KIAA0319: variants seen among roughly 807,000 people sequenced by gnomAD.
KIAA0319 encodes the protein KIAA0319.
In KIAA0319, 83 loss-of-function variants were observed where a neutral mutation model predicts 108.4. The observed-to-expected ratio is 0.77, with a 90% CI of 0.64 to 0.92. The LOEUF (loss-of-function observed/expected upper bound fraction) is 0.92, where lower values mean the gene tolerates loss of function less well. Ranked by LOEUF, KIAA0319 falls within the 40% of genes least tolerant of loss-of-function variation. The pLI is 0.00. For synonymous variants in KIAA0319, 484 were observed against 510.4 expected, an observed-to-expected ratio of 0.95 and a Z score of 0.70; for missense variants, 1,195 against 1,322.4, an observed-to-expected ratio of 0.90 and a Z score of 1.49.
At chr6:24,616,444 G>T (rs530829901) in intron 1 of KIAA0319, among the ~76,000 whole-genome samples, 8 of 152,126 alleles carry the variant, frequency 5.3e-5, no homozygotes, top group Admixed American at 2.0e-4. Flanking sequence ...TGAAACCTCC[G>T]CCTCCCGGGT....
At chr6:24,568,712 GC>G in intron 13 of KIAA0319, 68 bp downstream of exon 13, 1 of 1,468,740 alleles carries the variant, frequency 6.8e-7, no homozygotes. Flanking sequence ...AATAGTCATG[GC>G]CTGGCTGAGG....
downstream of KIAA0319, among the ~76,000 whole-genome samples, chr6:24,540,331 G>A (rs1760156273): frequency 6.6e-6 from 1 of 152,132 alleles, no homozygotes; most frequent in Non-Finnish European, 1.5e-5. Context: ...GGGCTGCATT[G>A]GACTTTATGA....
At chr6:24,573,435 G>T (rs1237585669) in intron 10 of KIAA0319, among the ~76,000 whole-genome samples, 1 of 152,106 alleles carries the variant, frequency 6.6e-6, no homozygotes, top group African/African-American at 2.4e-5. Context: ...TTAAAAGAAA[G>T]AAGTTTAAAA....
At chr6:24,553,152 A>T (rs1459569151) in intron 19 of KIAA0319, among the ~76,000 whole-genome samples, 1 of 151,752 alleles carries the variant, frequency 6.6e-6, no homozygotes, top group Non-Finnish European at 1.5e-5. Context: ...AAAATGATTC[A>T]GGTGGATTCG....
intron 1 of KIAA0319, among the ~76,000 whole-genome samples, chr6:24,619,730 T>C (rs140551341): frequency 7.7e-4 from 117 of 152,266 alleles, no homozygotes; most frequent in African/African-American, 2.7e-3. Context: ...ATTTTCAAAA[T>C]ATTCCATGAA....
intron 17 of KIAA0319, among the ~76,000 whole-genome samples, chr6:24,558,394 T>C (rs1762619430): frequency 2.0e-5 from 3 of 152,176 alleles, no homozygotes; most frequent in Admixed American, 2.0e-4. Flanking sequence ...GATAGATAGA[T>C]AGATAGATAG....
chr6:24,583,175 G>A, intron 5 of KIAA0319: 2 of 987,650 alleles, frequency 2.0e-6, no homozygotes, highest in Non-Finnish European at 2.4e-6. Context: ...TGAGCAGCTA[G>A]TGTGAGGCAT....
At chr6:24,636,316 G>A (rs1035133872) in intron 1 of KIAA0319, among the ~76,000 whole-genome samples, 4 of 152,284 alleles carry the variant, frequency 2.6e-5, no homozygotes, top group African/African-American at 9.6e-5. Flanking sequence ...GCAAGCACTG[G>A]GCATTCAATG....
At chr6:24,547,560 G>C (rs1258615181) in intron 20 of KIAA0319, among the ~76,000 whole-genome samples, 1 of 152,200 alleles carries the variant, frequency 6.6e-6, no homozygotes. Flanking sequence ...ACACTCGCCA[G>C]ATGCTTGAGC....
chr6:24,593,000 A>T (rs542630408), intron 3 of KIAA0319, among the ~76,000 whole-genome samples: 93 of 151,502 alleles, frequency 6.1e-4, no homozygotes, highest in East Asian at 5.2e-3. Context: ...AAAAATAAAT[A>T]AAAAAAAACA....
intron 1 of KIAA0319, among the ~76,000 whole-genome samples, chr6:24,639,977 G>C (rs1367680839): frequency 2.0e-5 from 3 of 151,838 alleles, no homozygotes; most frequent in Non-Finnish European, 2.9e-5. Context: ...TGAAGTGAAA[G>C]ATGACAGAGA....
intron 20 of KIAA0319, among the ~76,000 whole-genome samples, chr6:24,550,737 G>A (rs897538207): frequency 2.0e-5 from 3 of 152,104 alleles, no homozygotes; most frequent in African/African-American, 4.8e-5. Context: ...CTGTGGGAGT[G>A]TCTTCAACTG....
rs1341452189 is a variant in KIAA0319 at position 24,553,270 on chromosome 6, G to GAT, written c.2948+1269_2948+1270dup. On this transcript the variant is annotated intron_variant, in intron 19 of 20. Transcript: ENST00000378214. ...TGTAAGGCCACTTAGGTACTTGTGAGATAGATATATATATATATATATATA... is the reference window on the plus strand; with the variant it reads ...TGTAAGGCCACTTAGGTACTTGTGAGATATAGATATATATATATATATATATA... Among the ~76,000 whole-genome samples, 769 of 105,346 alleles carry GAT rather than the reference G, an allele frequency of 7.3e-3. 8 individuals are homozygous for GAT. Among genetic ancestry groups the GAT allele is most frequent in the African/African-American group, 0.029 (614 of 20,814 alleles). 69.1% of individuals were successfully genotyped at this position (105,346 alleles called of 152,430 possible). A position where few individuals can be genotyped will look rare whatever the true frequency, so the allele number is the denominator to read the frequency against.
At position 24,565,866 on chromosome 6, in the gene KIAA0319, G is replaced by A. The variant is rs935244618; in HGVS notation, c.2292+731C>T. Among the ~76,000 whole-genome samples the A allele has an allele frequency of 1.4e-4, 21 of 151,852 alleles. 1 individual carries two copies. Among genetic ancestry groups the A allele is most frequent in the Middle Eastern group, 6.8e-3 (2 of 292 alleles). ...ATCTATAAAACGTAAATAGCAATCC[G>A]TGATCTATTGACTCATCTGGTACAA... On this transcript the variant is annotated intron_variant, in intron 14 of 20. Transcript: ENST00000378214.
At chr6:24,629,816 T>C (rs1775280531) in intron 1 of KIAA0319, among the ~76,000 whole-genome samples, 1 of 152,278 alleles carries the variant, frequency 6.6e-6, no homozygotes, top group Non-Finnish European at 1.5e-5. Flanking sequence ...TGTGCTTTTA[T>C]TGGCTGCATC....
chr6:24,630,683 G>GTATATATATATATATATA (rs563881076), intron 1 of KIAA0319, among the ~76,000 whole-genome samples: 8 of 100,690 alleles, frequency 7.9e-5, no homozygotes, highest in African/African-American at 2.4e-4. Context: ...GTGTATATGT[G>GTATATATATATATATATA]TATATATATA....
At chr6:24,579,593 G>A (rs367922944) in intron 8 of KIAA0319, among the ~76,000 whole-genome samples, 27 of 149,460 alleles carry the variant, frequency 1.8e-4, no homozygotes, top group African/African-American at 4.9e-4. Context: ...CACACCAGAA[G>A]GAGATTCTTC....
chr6:24,573,241 A>C (rs1764983076), intron 10 of KIAA0319, among the ~76,000 whole-genome samples: 1 of 152,252 alleles, frequency 6.6e-6, no homozygotes, highest in Non-Finnish European at 1.5e-5. Context: ...TAAAATATTA[A>C]ATAAGCACAT....
At chr6:24,601,408 T>C (rs2127535150) in intron 1 of KIAA0319, 200 bp from the exon 2 acceptor site, 1 of 655,392 alleles carries the variant, frequency 1.5e-6, no homozygotes, top group Non-Finnish European at 1.9e-6. Flanking sequence ...AAGAATTTCA[T>C]GCTTACTCTC....
Sources: allele counts gnomAD v4.1 joint callset (sites outside exome capture counted in the v4.1 genomes callset), GRCh38; gene constraint gnomAD v4.1.1; transcripts MANE v1.5; gene names NCBI Gene and HGNC (gene_info 2026-07-23, HGNC 2026-07-21).